Variants in AMPD3 observed in about 807,000 individuals in gnomAD.
AMPD3 encodes the protein AMP deaminase 3.
A neutral mutation model predicts 82.3 loss-of-function variants in AMPD3; 57 were observed. The ratio of observed to expected loss-of-function variants is 0.69; its 90% CI spans 0.56 to 0.86. AMPD3 has a LOEUF of 0.86. AMPD3 is among the 40% of genes least tolerant of loss of function. AMPD3 has a pLI of 0.00. For missense variants in AMPD3, 870 were observed against 1,003.8 expected, an observed-to-expected ratio of 0.87 and a Z score of 1.80; for synonymous variants, 381 against 394.7, an observed-to-expected ratio of 0.97 and a Z score of 0.41.
intron 2 of AMPD3, among the ~76,000 whole-genome samples, chr11:10,470,442 A>G (rs1305959473): frequency 1.3e-5 from 2 of 152,214 alleles, no homozygotes; most frequent in Admixed American, 1.3e-4. Flanking sequence ...CCTATTCAAC[A>G]TAGTATTGGA....
At chr11:10,500,347 C>T (rs760293905) in intron 11 of AMPD3, 98 bp downstream of exon 11, 280 of 1,478,172 alleles carry the variant, frequency 1.9e-4, no homozygotes, top group Middle Eastern at 3.7e-4. Flanking sequence ...TCCTTGTGTC[C>T]GTGTGCACCT....
chr11:10,454,240 C>T (rs1848031437), upstream of AMPD3, among the ~76,000 whole-genome samples: 4 of 152,186 alleles, frequency 2.6e-5, no homozygotes, highest in South Asian at 8.3e-4. Flanking sequence ...TTGGCTTCAG[C>T]AGGACCCTTG....
At chr11:10,466,104 A>G (rs1848412835) in intron 2 of AMPD3, among the ~76,000 whole-genome samples, 1 of 152,134 alleles carries the variant, frequency 6.6e-6, no homozygotes, top group Non-Finnish European at 1.5e-5. Flanking sequence ...TCTACTAAAA[A>G]TACAAAGATT....
At position 10,473,355 on chromosome 11, in the gene AMPD3, A is replaced by G. The variant is rs1848647887; in HGVS notation, c.222-5171A>G. The G allele has an allele frequency of 7.1e-6, 7 of 979,524 alleles. No individual in the cohort carries two copies. In the South Asian group the frequency reaches 1.4e-4, roughly 20 times the overall value. 60.7% of individuals were successfully genotyped at this position (979,524 alleles called of 1,614,324 possible). ...ATAGTACAGATTGCACTTCATTTTC[A>G]TCTCCAGGTCTTTAGGGAGGAAGGG... On this transcript the variant is annotated intron_variant, in intron 2 of 14. Coordinates refer to ENST00000396553, the MANE Select transcript of AMPD3 (RefSeq NM_001025389.2).
At chr11:10,478,200 G>A in intron 2 of AMPD3, 2 of 985,382 alleles carry the variant, frequency 2.0e-6, no homozygotes, top group Non-Finnish European at 2.4e-6. Context: ...CTAGTGCCCT[G>A]TGGTTTTAGA....
At chr11:10,496,421 G>A (rs1293291332) in intron 9 of AMPD3, 1 of 985,306 alleles carries the variant, frequency 1.0e-6, no homozygotes, top group Non-Finnish European at 1.2e-6. Flanking sequence ...CGGCTGGCCA[G>A]GGTGGAGCCC....
At chr11:10,486,936 T>G (rs1417445830) in intron 5 of AMPD3, 1 of 985,268 alleles carries the variant, frequency 1.0e-6, no homozygotes, top group African/African-American at 1.7e-5. Flanking sequence ...TATTTACTCA[T>G]GGGAAATGGA....
chr11:10,484,975 C>G lies in AMPD3; in HGVS notation c.745C>G (p.Pro249Ala), dbSNP rs1849022620. 1.2e-6 allele frequency: 2 copies of G among 1,608,106 alleles called. No individual in the cohort carries two copies. Among genetic ancestry groups the G allele is most frequent in the Non-Finnish European group, 1.7e-6 (2 of 1,177,746 alleles). Residue 249 changes from proline to alanine, a missense_variant, in exon 5 of 15, where the codon CCC becomes GCC. Pro to Ala is a conservative substitution (Grantham distance 27). Coordinates refer to ENST00000396553, the MANE Select transcript of AMPD3 (RefSeq NM_001025389.2). ...CCAGGAGCCGCACAGCCTACCCTAC[C>G]CCGACCTGGAGACCTACACGGTGGA... ...EHQEPHSLPY[P>A]DLETYTVDMS...
chr11:10,492,002 C>T (rs75043006), intron 6 of AMPD3, among the ~76,000 whole-genome samples: 2,341 of 152,184 alleles, frequency 0.015, 65 homozygotes, highest in African/African-American at 0.05. Flanking sequence ...CAAGAGGGCC[C>T]AGGACCAGGC....
rs984746048 is a variant in AMPD3, at chr11:10,501,652, G to T, written c.1842+62G>T. 11 of 1,613,350 alleles carry T rather than the reference G, an allele frequency of 6.8e-6. No homozygotes were observed. In the African/African-American group the frequency reaches 1.3e-4, roughly 20 times the overall value. ...CTGCCCTGCCCTGGGCTCCTGGGAG[G>T]CTCAACCAGTGAGGCCAGAAGGCTG... On this transcript the variant is annotated intron_variant, in intron 12 of 14. Transcript: ENST00000396553.
At chr11:10,458,410 C>T (rs1291980004) in intron 1 of AMPD3, among the ~76,000 whole-genome samples, 2 of 152,058 alleles carry the variant, frequency 1.3e-5, no homozygotes, top group Non-Finnish European at 2.9e-5. Flanking sequence ...CTTAAGTCTA[C>T]TCATTTTCTT....
chr11:10,495,389 G>A, intron 8 of AMPD3, 181 bp from the exon 9 acceptor site: 2 of 984,878 alleles, frequency 2.0e-6, no homozygotes, highest in Non-Finnish European at 2.4e-6. Flanking sequence ...CACCAGAGGG[G>A]GCCTCTCCTA....
Position 10,502,719 on chromosome 11 carries a change from A to G in AMPD3, c.1843-2A>G. 2 of 1,614,052 alleles carry G rather than the reference A, an allele frequency of 1.2e-6. No individual in the cohort carries two copies. Among genetic ancestry groups the G allele is most frequent in the Non-Finnish European group, 1.7e-6 (2 of 1,180,000 alleles). On this transcript the variant is annotated splice_acceptor_variant, in intron 12 of 14. Coordinates refer to ENST00000396553, the MANE Select transcript of AMPD3 (RefSeq NM_001025389.2). LOFTEE classifies it high-confidence loss of function. ...CACATGAGTTCGGTGGTTCTTTTGC[A>G]GAGTCCGGTATTGCAGTATCTCTAC...
intron 1 of AMPD3, among the ~76,000 whole-genome samples, chr11:10,460,404 G>A (rs1848233097): frequency 7.6e-6 from 1 of 132,028 alleles, no homozygotes; most frequent in Non-Finnish European, 1.6e-5. Context: ...CGGCCCCAGA[G>A]TATACTTTTT....
At chr11:10,455,824 TA>T (rs1294663820) in intron 1 of AMPD3, 1 of 861,974 alleles carries the variant, frequency 1.2e-6, no homozygotes, top group Non-Finnish European at 1.4e-6. Flanking sequence ...AGGGCTGCTT[TA>T]GGGGGGCTTT....
chr11:10,500,468 A>G (rs372213019), intron 11 of AMPD3: 23 of 584,994 alleles, frequency 3.9e-5, no homozygotes, highest in African/African-American at 1.0e-4. Context: ...CATGCCCACC[A>G]TAACACACAT....
intron 4 of AMPD3, chr11:10,484,215 C>T (rs1367094432): frequency 1.2e-5 from 12 of 984,820 alleles, no homozygotes; most frequent in Non-Finnish European, 1.4e-5. Flanking sequence ...TTTCTACCTC[C>T]TGTTGGCTAA....
chr11:10,484,467 G>A lies in AMPD3; in HGVS notation c.590-353G>A, dbSNP rs115758330. On this transcript the variant is annotated intron_variant, in intron 4 of 14. Coordinates refer to ENST00000396553, the MANE Select transcript of AMPD3 (RefSeq NM_001025389.2). ...ATATTCCTGGAATCTCTGAAGTGCC[G>A]AGGAAAATGAAGCCCATTTCAGTTA... 609 of 985,300 alleles carry A rather than the reference G, an allele frequency of 6.2e-4. 6 individuals are homozygous for A. In the African/African-American group the frequency reaches 9.8e-3, roughly 16 times the overall value. The allele number at this position is 985,300 out of a possible 1,614,324, so 61.0% of individuals were successfully genotyped here.
At position 10,478,717 on chromosome 11, in the gene AMPD3, A is replaced by G; in HGVS notation, c.413A>G (p.Asp138Gly). Residue 138 changes from aspartate to glycine, a missense_variant, in exon 3 of 15, where the codon GAT (aspartate) becomes GGT (glycine). By Grantham distance (94) the Asp-to-Gly change is moderately conservative. Transcript: ENST00000396553. ...PEFQRVTISG[D>G]YCAGITLEDY... ...TTCCAGCGGGTCACCATCAGCGGAG[A>G]TTACTGTGCCGGGGTAAGGCGTCTG... The G allele has an allele frequency of 6.2e-7, 1 of 1,613,030 alleles. No homozygotes were observed. The highest frequency in any genetic ancestry group is 8.5e-7 in the Non-Finnish European group (1 of 1,180,030).
Sources: allele counts gnomAD v4.1 joint callset (sites outside exome capture counted in the v4.1 genomes callset), GRCh38; gene constraint gnomAD v4.1.1; transcripts MANE v1.5; gene names NCBI Gene and HGNC (gene_info 2026-07-23, HGNC 2026-07-21).